CYP1A2: variants seen among roughly 807,000 people sequenced by gnomAD.
CYP1A2 encodes the protein cytochrome P450 family 1 subfamily A member 2, also known as cytochrome P450 1A2.
A neutral mutation model predicts 34.7 loss-of-function variants in CYP1A2; 35 were observed. The ratio of observed to expected loss-of-function variants is 1.01; its 90% CI spans 0.77 to 1.34. CYP1A2 has a LOEUF of 1.34. CYP1A2 is among the 40% of genes most tolerant of loss of function. The probability of loss-of-function intolerance (pLI) is 0.00; values close to 1 mark genes in which losing one functional copy is unlikely to be tolerated. For missense variants in CYP1A2, 675 were observed against 675.8 expected (o/e 1.00, Z 0.01); for synonymous variants, 288 against 281.9 (o/e 1.02, Z -0.22).
At position 74,752,192 on chromosome 15, in the gene CYP1A2, T is replaced by G; in HGVS notation, c.1111T>G (p.Phe371Val). The change falls in exon 5 of 7, where the codon TTC (phenylalanine) becomes GTC (valine). Residue 371 changes from phenylalanine (F) to valine (V), a missense_variant. By Grantham distance (50) the Phe-to-Val change is conservative. Coordinates refer to ENST00000343932, the MANE Select transcript of CYP1A2 (RefSeq NM_000761.5). ...DRPQLPYLEA[F>V]ILETFRHSSF... The stretch of plus-strand genomic sequence containing the variant: ...ACCCCAGCTGCCCTACTTGGAGGCC[T>G]TCATCCTGGAGACCTTCCGACACTC... 1 of 1,614,010 alleles carries G rather than the reference T, an allele frequency of 6.2e-7. No homozygotes were observed.
chr15:74,751,397 A>G, intron 3 of CYP1A2, 88 bp downstream of exon 3: 2 of 1,546,898 alleles, frequency 1.3e-6, no homozygotes, highest in East Asian at 2.2e-5. Context: ...GAAATAACCC[A>G]CCAACCCTAC....
chr15:74,752,919 C>G (rs1465142342), intron 5 of CYP1A2, among the ~76,000 whole-genome samples: 3 of 107,916 alleles, frequency 2.8e-5, no homozygotes, highest in Non-Finnish European at 5.3e-5. Flanking sequence ...AAACATTTAT[C>G]TGAAATTGCC....
chr15:74,750,764 C>T (rs987307397), intron 2 of CYP1A2, among the ~76,000 whole-genome samples, 195 bp downstream of exon 2: 25 of 152,142 alleles, frequency 1.6e-4, no homozygotes, highest in Admixed American at 1.4e-3. Flanking sequence ...CTTGAAGCCC[C>T]CTTCTCAGGG....
In CYP1A2 at chr15:74,754,906, CGGTG is replaced by C. The variant is rs755371436; in HGVS notation, c.1370_1373del (p.Arg457LeufsTer30). 7 of 1,614,208 alleles carry C rather than the reference CGGTG, an allele frequency of 4.3e-6. No individual in the cohort carries two copies. The South Asian group carries it at 6.6e-5, about 15-fold the overall frequency. ...GATGCTGTTTGGCATGGGCAAGCGCCGGTGTATCGGGGAAGTCCTGGCCAAGTGG... is the reference window on the plus strand; with the variant it reads ...GATGCTGTTTGGCATGGGCAAGCGCCTATCGGGGAAGTCCTGGCCAAGTGG... On this transcript the variant is annotated frameshift_variant, in exon 7 of 7. Transcript: ENST00000343932. LOFTEE classifies it low-confidence loss of function (END_TRUNC).
intron 6 of CYP1A2, among the ~76,000 whole-genome samples, chr15:74,753,975 A>G (rs1429680924): frequency 6.6e-6 from 1 of 152,208 alleles, no homozygotes; most frequent in Non-Finnish European, 1.5e-5. Flanking sequence ...TCATTACTCC[A>G]AAACAATAAA....
At chr15:74,749,696 A>G in intron 1 of CYP1A2, 34 bp from the exon 2 acceptor site, 1 of 1,462,332 alleles carries the variant, frequency 6.8e-7, no homozygotes, top group Non-Finnish European at 9.2e-7. Context: ...CTCCATCTCA[A>G]CCCTCAGCCT....
rs11636419 is a variant in CYP1A2, at chr15:74,755,259, A to G, written c.*171A>G. ...GTTGGAGGATCATTTGAGCCCAGGA[A>G]TTGGAAAGCAGCCTGGCCAACATAG... On this transcript the variant is annotated 3_prime_UTR_variant, in exon 7 of 7. Coordinates refer to ENST00000343932, the MANE Select transcript of CYP1A2 (RefSeq NM_000761.5). The G allele has an allele frequency of 0.087, 67,831 of 775,572 alleles. 4,835 individuals are homozygous for G. Among genetic ancestry groups the G allele is most frequent in the South Asian group, 0.28 (14,158 of 49,780 alleles). The allele number at this position is 775,572 out of a possible 1,614,324, so 48.0% of individuals were successfully genotyped here.
At position 74,753,219 on chromosome 15, in the gene CYP1A2, T is replaced by C. The variant is rs2063324511; in HGVS notation, c.1202T>C (p.Ile401Thr). 2.5e-6 allele frequency: 4 copies of C among 1,613,754 alleles called. No homozygotes were observed. In the East Asian group the frequency reaches 6.7e-5, roughly 27 times the overall value. ...TRDTTLNGFYIPKKCCVFVNQ... is the reference protein window; with the variant it reads ...TRDTTLNGFYTPKKCCVFVNQ... ...GACACAACGCTGAATGGCTTCTACA[T>C]CCCCAAGAAATGCTGTGTCTTCGTA... Residue 401 changes from isoleucine (I) to threonine (T), a missense_variant, in exon 6 of 7, where the codon ATC becomes ACC. Ile to Thr is a moderately conservative substitution (Grantham distance 89). Transcript: ENST00000343932.
Position 74,754,985 on chromosome 15 carries a change from T to A in CYP1A2, c.1448T>A (p.Val483Glu). 1 of 1,614,254 alleles carries A rather than the reference T, an allele frequency of 6.2e-7. No individual in the cohort carries two copies. Among genetic ancestry groups the A allele is most frequent in the Non-Finnish European group, 8.5e-7 (1 of 1,180,044 alleles). ...CTGCTACAGCAACTGGAGTTCAGCG[T>A]GCCGCCGGGCGTGAAAGTCGACCTG... ...AILLQQLEFS[V>E]PPGVKVDLTP... is the part of the protein sequence containing the mutation. Residue 483 changes from valine to glutamate, a missense_variant, in exon 7 of 7, where the codon GTG becomes GAG. Physicochemically the swap from Val to Glu is moderately radical, Grantham distance 121. Coordinates refer to ENST00000343932, the MANE Select transcript of CYP1A2 (RefSeq NM_000761.5).
rs34980540 is a variant in CYP1A2, at chr15:74,752,335, A to G, written c.1166+88A>G. The G allele has an allele frequency of 1.1e-4, 174 of 1,560,920 alleles. 1 individual carries two copies. The African/African-American group carries it at 2.1e-3, about 19-fold the overall frequency. On this transcript the variant is annotated intron_variant, in intron 5 of 6. Transcript: ENST00000343932. ...TTCTCAGCCCTGGCCCTGGCTCAGCATCTCCTTCCCGACCTCGTTCCCCAC... is the reference window on the plus strand; with the variant it reads ...TTCTCAGCCCTGGCCCTGGCTCAGCGTCTCCTTCCCGACCTCGTTCCCCAC...
chr15:74,752,349 C>G (rs1198855209), intron 5 of CYP1A2, 102 bp downstream of exon 5: 1 of 1,514,160 alleles, frequency 6.6e-7, no homozygotes, highest in African/African-American at 1.4e-5. Flanking sequence ...CCTTCCCGAC[C>G]TCGTTCCCCA....
At position 74,751,308 on chromosome 15, in the gene CYP1A2, A is replaced by C. The variant is rs55860387; in HGVS notation, c.951A>C (p.Ala317=). ...ACCTTGTCAATGACATCTTTGGAGCAGGTAGGAACCAGAACCTTGCCCCTC... is the reference window on the plus strand; with the variant it reads ...ACCTTGTCAATGACATCTTTGGAGCCGGTAGGAACCAGAACCTTGCCCCTC... ...IVNLVNDIFG[A]GFDTVTTAIS... The change falls in exon 3 of 7, where the codon GCA becomes GCC. Residue 317 remains alanine, a splice_region_variant and synonymous_variant. Coordinates refer to ENST00000343932, the MANE Select transcript of CYP1A2 (RefSeq NM_000761.5). The C allele has an allele frequency of 9.9e-6, 16 of 1,614,084 alleles. No homozygotes were observed. The highest frequency in any genetic ancestry group is 1.4e-5 in the Non-Finnish European group (16 of 1,179,978).
intron 2 of CYP1A2, among the ~76,000 whole-genome samples, 189 bp from the exon 3 acceptor site, chr15:74,751,000 A>G (rs1472347150): frequency 6.6e-6 from 1 of 152,194 alleles, no homozygotes; most frequent in African/African-American, 2.4e-5. Context: ...AATGGGGCAT[A>G]AAATGACACT....
chr15:74,749,708 G>T, intron 1 of CYP1A2, 22 bp from the exon 2 acceptor site: 1 of 1,495,636 alleles, frequency 6.7e-7, no homozygotes. Context: ...CCTCAGCCTG[G>T]TCCCTCCTTT....
chr15:74,749,707 G>C, intron 1 of CYP1A2, 23 bp from the exon 2 acceptor site: 1 of 1,492,034 alleles, frequency 6.7e-7, no homozygotes. Flanking sequence ...CCCTCAGCCT[G>C]GTCCCTCCTT....
rs201537008 is a variant in CYP1A2 at position 74,750,435 on chromosome 15, G to A, written c.697G>A (p.Gly233Arg). ...THEFVETASS[G>R]NPLDFFPILR... is the part of the protein sequence containing the mutation. Reference sequence around the variant, plus strand: ...TGAGTTCGTGGAGACTGCCTCCTCCGGGAACCCCCTGGACTTCTTCCCCAT... The same window carrying A: ...TGAGTTCGTGGAGACTGCCTCCTCCAGGAACCCCCTGGACTTCTTCCCCAT... The change falls in exon 2 of 7, where the codon GGG becomes AGG. Residue 233 changes from glycine to arginine, a missense_variant. Transcript: ENST00000343932. 2.8e-5 allele frequency: 46 copies of A among 1,614,132 alleles called. No individual in the cohort carries two copies. Among genetic ancestry groups the A allele is most frequent in the African/African-American group, 2.3e-4 (17 of 75,030 alleles).
At position 74,754,829 on chromosome 15, in the gene CYP1A2, G is replaced by A. The variant is rs1328210184; in HGVS notation, c.1292G>A (p.Arg431Gln). ...WEDPSEFRPE[R>Q]FLTADGTAIN... ...GACCCCTCTGAGTTCCGGCCTGAGC[G>A]GTTCCTCACCGCCGATGGCACTGCC... is the stretch of plus-strand genomic sequence containing the variant. Residue 431 changes from arginine to glutamine, a missense_variant, in exon 7 of 7, where the codon CGG (arginine) becomes CAG (glutamine). Transcript: ENST00000343932. 2 of 1,614,082 alleles carry A rather than the reference G, an allele frequency of 1.2e-6. No individual in the cohort carries two copies. Among genetic ancestry groups the A allele is most frequent in the Non-Finnish European group, 1.7e-6 (2 of 1,179,992 alleles).
intron 2 of CYP1A2, among the ~76,000 whole-genome samples, chr15:74,750,797 A>G (rs2063311594): frequency 6.6e-6 from 1 of 152,098 alleles, no homozygotes. Context: ...CCCAAGAAAA[A>G]AGCCCTGGAA....
intron 5 of CYP1A2, among the ~76,000 whole-genome samples, chr15:74,752,667 T>C (rs2063321443): frequency 6.6e-6 from 1 of 152,172 alleles, no homozygotes; most frequent in Non-Finnish European, 1.5e-5. Context: ...TTTTGACTCA[T>C]CCAGCTGGCA....
Sources: allele counts gnomAD v4.1 joint callset (sites outside exome capture counted in the v4.1 genomes callset), GRCh38; gene constraint gnomAD v4.1.1; transcripts MANE v1.5; gene names NCBI Gene and HGNC (gene_info 2026-07-23, HGNC 2026-07-21).